The following PDCL2 variants were observed in gnomAD, a reference collection of about 807,000 sequenced individuals.
PDCL2 encodes phosducin like 2.
Under a neutral mutation model 30.3 loss-of-function variants are expected in PDCL2, and 23 were observed. The ratio of observed to expected loss-of-function variants is 0.76; its 90% CI spans 0.55 to 1.08. The LOEUF (loss-of-function observed/expected upper bound fraction) is 1.08, where lower values mean the gene tolerates loss of function less well. Among genes scored for constraint, PDCL2 ranks in the 50% least tolerant of loss-of-function variants. The pLI, the probability that PDCL2 is intolerant of heterozygous loss-of-function variation, is 0.00. For missense variants in PDCL2, 243 were observed against 282.3 expected (o/e 0.86, Z 1.00); for synonymous variants, 68 against 86.2 (o/e 0.79, Z 1.17).
chr4:55,558,081 C>T (rs896587008), intron 5 of PDCL2, among the ~76,000 whole-genome samples: 16 of 147,856 alleles, frequency 1.1e-4, no homozygotes, highest in Admixed American at 1.0e-3. Context: ...AGATCGAGAT[C>T]GCGCCATTGC....
intron 1 of PDCL2, among the ~76,000 whole-genome samples, chr4:55,584,811 CG>C (rs1732817609): frequency 6.6e-6 from 1 of 152,090 alleles, no homozygotes; most frequent in African/African-American, 2.4e-5. Flanking sequence ...TCCTTGTCTA[CG>C]AAAAAAACCT....
intron 1 of PDCL2, among the ~76,000 whole-genome samples, chr4:55,583,068 T>G (rs1368858721): frequency 6.6e-6 from 1 of 152,196 alleles, no homozygotes; most frequent in Non-Finnish European, 1.5e-5. Context: ...CTCCACCTCC[T>G]GGGTTCAAGT....
rs544332988 is a variant in PDCL2, at chr4:55,590,407, G to T, written c.6+1697C>A. 3.5e-5 allele frequency among the ~76,000 whole-genome samples: 5 copies of T among 142,476 alleles called. No homozygotes were observed. The East Asian group carries it at 8.8e-4, about 25-fold the overall frequency. The allele number at this position is 142,476 out of a possible 152,430, so 93.5% of individuals were successfully genotyped here. ...GTGGGAGAACACTTGAGCCTGGGAG[G>T]TTGATCATGTCACTGCACTCCAGGC... On this transcript the variant is annotated intron_variant, in intron 1 of 5. Transcript: ENST00000295645.
In PDCL2 at chr4:55,582,272, G is replaced by T. The variant is rs1297978879; in HGVS notation, c.7-35C>A. On this transcript the variant is annotated intron_variant, in intron 1 of 5. Transcript: ENST00000295645. Reference sequence around the variant, plus strand: ...AAGAAAAGAAAAGAAAATTAACATGGTTGTACACTTTAATATGTATTTGGA... The same window carrying T: ...AAGAAAAGAAAAGAAAATTAACATGTTTGTACACTTTAATATGTATTTGGA... The T allele has an allele frequency of 1.1e-5, 17 of 1,554,626 alleles. No homozygotes were observed. The South Asian group carries it at 1.6e-4, about 14-fold the overall frequency.
At position 55,562,314 on chromosome 4, in the gene PDCL2, C is replaced by T. The variant is rs1732154354; in HGVS notation, c.571+90G>A. Reference sequence around the variant, plus strand: ...AAGAGACTAGAAGCAAGGAAAAAACCTTGGTACTAAGGAAGTAAGCTTTCA... The same window carrying T: ...AAGAGACTAGAAGCAAGGAAAAAACTTTGGTACTAAGGAAGTAAGCTTTCA... On this transcript the variant is annotated intron_variant, in intron 5 of 5. Transcript: ENST00000295645. 11 of 836,004 alleles carry T rather than the reference C, an allele frequency of 1.3e-5. 1 individual carries two copies. The South Asian group carries it at 3.8e-4, about 29-fold the overall frequency. 51.8% of individuals were successfully genotyped at this position (836,004 alleles called of 1,614,324 possible).
At chr4:55,562,108 C>G (rs1182251264) in intron 5 of PDCL2, among the ~76,000 whole-genome samples, 4 of 152,064 alleles carry the variant, frequency 2.6e-5, no homozygotes, top group South Asian at 2.1e-4. Context: ...GGCTGAAGAC[C>G]AGCCTAACAG....
chr4:55,558,401 G>C (rs939674165), intron 5 of PDCL2, among the ~76,000 whole-genome samples: 4 of 152,240 alleles, frequency 2.6e-5, no homozygotes, highest in Non-Finnish European at 5.9e-5. Flanking sequence ...ACTTCACTTA[G>C]CTCTCATTCT....
At chr4:55,556,964 G>A (rs1366540611) in intron 5 of PDCL2, among the ~76,000 whole-genome samples, 1 of 152,096 alleles carries the variant, frequency 6.6e-6, no homozygotes, top group African/African-American at 2.4e-5. Flanking sequence ...CTCCTGAGTA[G>A]CTGCAATTAC....
intron 5 of PDCL2, among the ~76,000 whole-genome samples, chr4:55,557,791 C>T (rs1024204424): frequency 6.6e-6 from 1 of 151,852 alleles, no homozygotes; most frequent in African/African-American, 2.4e-5. Context: ...GCACATTTCC[C>T]TCCAGCTGTG....
chr4:55,568,112 C>G (rs1402239230), intron 4 of PDCL2, among the ~76,000 whole-genome samples: 1 of 152,076 alleles, frequency 6.6e-6, no homozygotes, highest in Non-Finnish European at 1.5e-5. Context: ...ATAAATTGCT[C>G]TGTATATAAT....
At chr4:55,561,480 C>T (rs957157509) in intron 5 of PDCL2, among the ~76,000 whole-genome samples, 2 of 152,144 alleles carry the variant, frequency 1.3e-5, no homozygotes, top group South Asian at 4.2e-4. Flanking sequence ...GGGAGAATTG[C>T]TTGAACCAGG....
intron 5 of PDCL2, among the ~76,000 whole-genome samples, chr4:55,558,070 G>A (rs1334385651): frequency 6.7e-6 from 1 of 148,862 alleles, no homozygotes; most frequent in Non-Finnish European, 1.5e-5. Context: ...GTAGTGGGCC[G>A]AGATCGAGAT....
intron 5 of PDCL2, among the ~76,000 whole-genome samples, chr4:55,557,417 G>A (rs1365347984): frequency 6.6e-6 from 1 of 152,126 alleles, no homozygotes; most frequent in Non-Finnish European, 1.5e-5. Context: ...GTTAGAGAAG[G>A]TGAGTGAGAG....
At chr4:55,560,817 G>A (rs1445741052) in intron 5 of PDCL2, among the ~76,000 whole-genome samples, 1 of 151,858 alleles carries the variant, frequency 6.6e-6, no homozygotes, top group Non-Finnish European at 1.5e-5. Context: ...GAACAGAGAG[G>A]CCAAAAGGAG....
intron 2 of PDCL2, among the ~76,000 whole-genome samples, chr4:55,581,531 A>C (rs1391546858): frequency 6.6e-6 from 1 of 152,214 alleles, no homozygotes; most frequent in South Asian, 2.1e-4. Flanking sequence ...TGATCAAAAT[A>C]GATGGTAATA....
chr4:55,577,342 C>T (rs2110162919), intron 3 of PDCL2, among the ~76,000 whole-genome samples: 1 of 152,304 alleles, frequency 6.6e-6, no homozygotes, highest in Non-Finnish European at 1.5e-5. Flanking sequence ...GGGACACAAA[C>T]ATTCAGACCA....
chr4:55,578,133 T>C (rs1873092), intron 3 of PDCL2, among the ~76,000 whole-genome samples: 43,674 of 152,100 alleles, frequency 0.29, 6,788 homozygotes, highest in Middle Eastern at 0.41. Context: ...AAGCACAGTT[T>C]GTTTTGAATC....
intron 1 of PDCL2, 107 bp downstream of exon 1, chr4:55,591,997 A>C: frequency 2.8e-6 from 4 of 1,450,022 alleles, no homozygotes; most frequent in Non-Finnish European, 3.8e-6. Flanking sequence ...AACAAATGTT[A>C]GAGCCTACCT....
At chr4:55,574,622 C>G (rs906121692) in intron 3 of PDCL2, among the ~76,000 whole-genome samples, 2 of 152,170 alleles carry the variant, frequency 1.3e-5, no homozygotes, top group African/African-American at 4.8e-5. Context: ...AATTCAAAAA[C>G]ATTTTCATCA....
Sources: gnomAD v4.1 joint callset for allele counts (sites outside exome capture counted in the v4.1 genomes callset) on GRCh38, gnomAD v4.1.1 for gene constraint, MANE v1.5 for transcripts, NCBI Gene and HGNC (gene_info 2026-07-23, HGNC 2026-07-21) for gene names.